Variants in FBN1 observed in about 807,000 individuals in gnomAD.
FBN1 encodes fibrillin 1.
FBN1 carries 29 observed loss-of-function variants against 365.1 expected under a neutral mutation model. The ratio of observed to expected loss-of-function variants is 0.08; its 90% CI spans 0.06 to 0.11. The LOEUF (loss-of-function observed/expected upper bound fraction) is 0.11. FBN1 is among the 10% of genes least tolerant of loss of function. The pLI is 1.00. For missense variants in FBN1, 2,476 were observed against 3,703.2 expected (o/e 0.67, Z 8.60); for synonymous variants, 1,210 against 1,270.5 (o/e 0.95, Z 1.01).
chr15:48,549,700 C>T (rs1025101636), intron 6 of FBN1, among the ~76,000 whole-genome samples: 1 of 152,116 alleles, frequency 6.6e-6, no homozygotes, highest in Non-Finnish European at 1.5e-5. Flanking sequence ...TAATAATCCC[C>T]TGCACTATTT....
At chr15:48,421,497 G>GC in intron 62 of FBN1, 61 bp downstream of exon 62, 1 of 1,592,006 alleles carries the variant, frequency 6.3e-7, no homozygotes, top group Non-Finnish European at 8.6e-7. Context: ...GGTGCCAATA[G>GC]CCACACAGGC....
intron 41 of FBN1, among the ~76,000 whole-genome samples, chr15:48,463,543 C>A (rs2043297176): frequency 6.6e-6 from 1 of 152,256 alleles, no homozygotes; most frequent in Non-Finnish European, 1.5e-5. Context: ...CAATTCCCTA[C>A]TGCCATTTGG....
At chr15:48,567,373 A>G (rs2044265204) in intron 6 of FBN1, among the ~76,000 whole-genome samples, 2 of 152,208 alleles carry the variant, frequency 1.3e-5, no homozygotes, top group South Asian at 4.1e-4. Context: ...AAATTTCATC[A>G]TAGATAGAGA....
chr15:48,619,722 A>G (rs1337299914), intron 2 of FBN1, among the ~76,000 whole-genome samples: 1 of 151,758 alleles, frequency 6.6e-6, no homozygotes, highest in Non-Finnish European at 1.5e-5. Context: ...TTACCAACCC[A>G]AAGGTTTTTT....
chr15:48,470,503 T>C, intron 36 of FBN1, 131 bp downstream of exon 36: 1 of 1,245,380 alleles, frequency 8.0e-7, no homozygotes, highest in Non-Finnish European at 1.2e-6. Context: ...AAAAGGTATC[T>C]GTGATTCTTA....
chr15:48,521,043 G>A (rs1426367396), intron 9 of FBN1, among the ~76,000 whole-genome samples: 2 of 152,162 alleles, frequency 1.3e-5, no homozygotes, highest in South Asian at 2.1e-4. Context: ...CTTGGCTGAA[G>A]TCCCACATTC....
intron 27 of FBN1, 100 bp from the exon 28 acceptor site, chr15:48,487,537 CCTT>C: frequency 6.6e-7 from 1 of 1,524,840 alleles, no homozygotes; most frequent in Admixed American, 1.7e-5. Context: ...ATCTTGACCT[CCTT>C]GTCTCAAGGT....
chr15:48,600,949 A>G (rs956964414), intron 4 of FBN1, among the ~76,000 whole-genome samples: 8 of 152,246 alleles, frequency 5.3e-5, no homozygotes, highest in Non-Finnish European at 1.2e-4. Flanking sequence ...CAAATTCCAA[A>G]GAATTTTGTT....
chr15:48,579,679 A>G (rs143746802), intron 6 of FBN1, among the ~76,000 whole-genome samples: 1 of 152,312 alleles, frequency 6.6e-6, no homozygotes, highest in East Asian at 1.9e-4. Context: ...GGAAAAGAAC[A>G]CTTTATGTCC....
chr15:48,558,328 A>C (rs1313344584), intron 6 of FBN1, among the ~76,000 whole-genome samples: 1 of 152,230 alleles, frequency 6.6e-6, no homozygotes, highest in Non-Finnish European at 1.5e-5. Context: ...CATTATTAGC[A>C]TAAGGTTTAG....
At chr15:48,537,215 C>T (rs1290178398) in intron 7 of FBN1, among the ~76,000 whole-genome samples, 1 of 151,992 alleles carries the variant, frequency 6.6e-6, no homozygotes, top group Non-Finnish European at 1.5e-5. Context: ...TAAGCACAAC[C>T]CATGAGAGAG....
At chr15:48,637,649 T>C (rs1276455359) in intron 2 of FBN1, among the ~76,000 whole-genome samples, 3 of 152,334 alleles carry the variant, frequency 2.0e-5, no homozygotes, top group Non-Finnish European at 4.4e-5. Context: ...TAATTAACCA[T>C]ACCCAGTTAA....
intron 56 of FBN1, among the ~76,000 whole-genome samples, chr15:48,429,331 T>C (rs1386765179): frequency 1.3e-5 from 2 of 152,218 alleles, no homozygotes; most frequent in African/African-American, 4.8e-5. Context: ...ATAGGTTGCA[T>C]TTATTGTAAT....
At chr15:48,568,057 A>AAAG (rs1555403286) in intron 6 of FBN1, among the ~76,000 whole-genome samples, 136 of 113,026 alleles carry the variant, frequency 1.2e-3, no homozygotes, top group African/African-American at 3.4e-3. Flanking sequence ...AAGAAGAAAG[A>AAAG]AAGAAAGAAA....
At chr15:48,478,292 A>G (rs2043438786) in intron 32 of FBN1, among the ~76,000 whole-genome samples, 1 of 152,216 alleles carries the variant, frequency 6.6e-6, no homozygotes, top group South Asian at 2.1e-4. Context: ...AAGAAACTGG[A>G]AGGAAATGAA....
At chr15:48,594,751 C>T (rs1428064569) in intron 6 of FBN1, among the ~76,000 whole-genome samples, 1 of 152,126 alleles carries the variant, frequency 6.6e-6, no homozygotes, top group Admixed American at 6.5e-5. Context: ...TAAAATGTTA[C>T]AGGTAAAATG....
chr15:48,408,936 T>C lies in FBN1; in HGVS notation c.*2054A>G, dbSNP rs573127207. The C allele has an allele frequency of 5.2e-5, 8 of 152,388 alleles. No individual in the cohort carries two copies. In the South Asian group the frequency reaches 6.2e-4, roughly 12 times the overall value. The allele number at this position is 152,388 out of a possible 1,614,324, so 9.4% of individuals were successfully genotyped here. On this transcript the variant is annotated 3_prime_UTR_variant, in exon 66 of 66. Transcript: ENST00000316623. ...GCAAACTGTTGTTTACCATATGCTA[T>C]ATATTCTTCGATAACAATTTTAATA...
At chr15:48,589,695 G>A (rs931871938) in intron 6 of FBN1, among the ~76,000 whole-genome samples, 1 of 141,662 alleles carries the variant, frequency 7.1e-6, no homozygotes, top group Non-Finnish European at 1.5e-5. Context: ...CTCACTGCAA[G>A]CTCCACCTCC....
At chr15:48,641,061 C>T (rs1044050757) in intron 2 of FBN1, 12 of 152,098 alleles carry the variant, frequency 7.9e-5, no homozygotes, top group African/African-American at 2.9e-4. Context: ...AAGAAAACTA[C>T]TATACATTTA....
Sources: allele counts gnomAD v4.1 joint callset (sites outside exome capture counted in the v4.1 genomes callset), GRCh38; gene constraint gnomAD v4.1.1; transcripts MANE v1.5; gene names NCBI Gene and HGNC (gene_info 2026-07-23, HGNC 2026-07-21).